The following PCDHGB2 variants were observed in gnomAD, a reference collection of about 807,000 sequenced individuals.
The protein encoded by PCDHGB2 is protocadherin gamma subfamily B, 2.
Under a neutral mutation model 59.3 loss-of-function variants are expected in PCDHGB2, and 55 were observed. The observed-to-expected ratio is 0.93, with a 90% CI of 0.75 to 1.16. PCDHGB2 has a LOEUF of 1.16. Among genes scored for constraint, PCDHGB2 ranks in the 50% most tolerant of loss-of-function variants. PCDHGB2 has a pLI of 0.00. For synonymous variants in PCDHGB2, 516 were observed against 512.0 expected (o/e 1.01, Z -0.11); for missense variants, 1,228 against 1,198.5 (o/e 1.02, Z -0.36).
At position 141,505,200 on chromosome 5, in the gene PCDHGB2, G is replaced by T. The variant is rs528060752; in HGVS notation, c.2481-193G>T. On this transcript the variant is annotated intron_variant, in intron 2 of 3. Transcript: ENST00000522605. ...AAAGCATCGGAGGCAGCAAAGAGCTGGTTTGAGGGACTGACTTGTGGGATT... is the reference window on the plus strand; with the variant it reads ...AAAGCATCGGAGGCAGCAAAGAGCTTGTTTGAGGGACTGACTTGTGGGATT... Among the ~76,000 whole-genome samples the T allele has an allele frequency of 6.6e-5, 10 of 152,244 alleles. No individual in the cohort carries two copies. The East Asian group carries it at 7.7e-4, about 12-fold the overall frequency.
chr5:141,389,605 A>G (rs1370742468), intron 1 of PCDHGB2: 2 of 1,613,092 alleles, frequency 1.2e-6, no homozygotes, highest in Non-Finnish European at 1.7e-6. Flanking sequence ...GCGCTCTTCG[A>G]TATGGTGCCG....
intron 1 of PCDHGB2, among the ~76,000 whole-genome samples, chr5:141,387,210 C>T (rs944882080): frequency 3.9e-5 from 6 of 152,012 alleles, no homozygotes; most frequent in Non-Finnish European, 5.9e-5. Context: ...CTGATACTCT[C>T]CGGAAAAAGT....
intron 1 of PCDHGB2, chr5:141,409,680 C>T (rs756713114): frequency 1.9e-6 from 3 of 1,613,242 alleles, no homozygotes; most frequent in African/African-American, 1.3e-5. Context: ...TCTATAGTGG[C>T]GAGTGACCTA....
Position 141,400,778 on chromosome 5 carries a change from T to A in PCDHGB2, c.2421+38222T>A, listed in dbSNP as rs1589424490. ...TCTCTAGCAAAAACATTTGGTGCGT[T>A]TTTTTGTCCTCTTTCTCAAAGCTAA... On this transcript the variant is annotated intron_variant, in intron 1 of 3. Coordinates refer to ENST00000522605, the MANE Select transcript of PCDHGB2 (RefSeq NM_018923.3). 6 of 568,120 alleles carry A rather than the reference T, an allele frequency of 1.1e-5. No individual in the cohort carries two copies. The East Asian group carries it at 1.7e-4, about 16-fold the overall frequency. 35.2% of individuals were successfully genotyped at this position (568,120 alleles called of 1,614,324 possible).
intron 3 of PCDHGB2, among the ~76,000 whole-genome samples, chr5:141,507,856 A>T (rs1200072170): frequency 1.3e-5 from 2 of 151,926 alleles, no homozygotes; most frequent in Non-Finnish European, 2.9e-5. Flanking sequence ...TCTCACTTTC[A>T]CACCCGCTTC....
At chr5:141,375,842 C>G (rs547807235) in intron 1 of PCDHGB2, 4 of 1,614,122 alleles carry the variant, frequency 2.5e-6, no homozygotes, top group Non-Finnish European at 3.4e-6. Context: ...GCCCGGCTAC[C>G]TGGTGACCAA....
chr5:141,385,638 T>A, intron 1 of PCDHGB2: 1 of 831,764 alleles, frequency 1.2e-6, no homozygotes, highest in Non-Finnish European at 1.5e-6. Context: ...ATCGAGTCTT[T>A]CATATTGCAC....
intron 1 of PCDHGB2, among the ~76,000 whole-genome samples, chr5:141,472,913 G>A (rs1049221725): frequency 2.0e-5 from 3 of 147,764 alleles, no homozygotes; most frequent in African/African-American, 2.5e-5. Context: ...TTGAACCCAA[G>A]AGGAGGAGGT....
Position 141,505,424 on chromosome 5 carries a change from C to T in PCDHGB2, c.2512C>T (p.Pro838Ser), listed in dbSNP as rs1422538114. The T allele has an allele frequency of 1.2e-6, 2 of 1,614,200 alleles. No individual in the cohort carries two copies. Among genetic ancestry groups the T allele is most frequent in the Non-Finnish European group, 1.7e-6 (2 of 1,180,028 alleles). Residue 838 changes from proline (P) to serine (S), a missense_variant, in exon 3 of 4, where the codon CCC (proline) becomes TCC (serine). Pro to Ser is a moderately conservative substitution (Grantham distance 74). Transcript: ENST00000522605. ...AAATGGCGATGACACCGGCACCTGG[C>T]CCAACAACCAGTTTGACACAGAGAT... is the stretch of plus-strand genomic sequence containing the variant. ...SQNGDDTGTW[P>S]NNQFDTEMLQ...
intron 1 of PCDHGB2, chr5:141,388,588 C>T: frequency 6.2e-7 from 1 of 1,613,876 alleles, no homozygotes; most frequent in Non-Finnish European, 8.5e-7. Context: ...GTGACTGATG[C>T]CAATGATAAT....
chr5:141,379,889 C>CTTTT lies in PCDHGB2; in HGVS notation c.2421+17360_2421+17363dup, dbSNP rs70988800. ...CTTATTTTATGGTCTGTGAAAGCCT[C>CTTTT]TTTTTTTTTTTTTTTTTTTTTTTTT... is the stretch of plus-strand genomic sequence containing the variant. On this transcript the variant is annotated intron_variant, in intron 1 of 3. Transcript: ENST00000522605. Among the ~76,000 whole-genome samples, 383 of 50,836 alleles carry CTTTT rather than the reference C, an allele frequency of 7.5e-3. 64 individuals are homozygous for CTTTT. The highest frequency in any genetic ancestry group is 9.2e-3 in the Non-Finnish European group (239 of 25,888). 33.4% of individuals were successfully genotyped at this position (50,836 alleles called of 152,430 possible). A position where few individuals can be genotyped will look rare whatever the true frequency, so the allele number is the denominator to read the frequency against.
At chr5:141,433,056 G>A (rs1422450948) in intron 1 of PCDHGB2, 1 of 1,614,204 alleles carries the variant, frequency 6.2e-7, no homozygotes, top group South Asian at 1.1e-5. Context: ...TCGCGGAAGA[G>A]TCACCTGATC....
chr5:141,430,930 G>A, intron 1 of PCDHGB2: 2 of 1,607,320 alleles, frequency 1.2e-6, no homozygotes, highest in Non-Finnish European at 1.7e-6. Context: ...TGGAGCCCCG[G>A]GAGCTCGCGG....
At chr5:141,385,965 G>A (rs368454164) in intron 1 of PCDHGB2, 2 of 152,134 alleles carry the variant, frequency 1.3e-5, no homozygotes, top group Non-Finnish European at 2.9e-5. Flanking sequence ...AAAGGCCATC[G>A]GACAAAACCA....
chr5:141,369,822 T>C (rs550233059), intron 1 of PCDHGB2, among the ~76,000 whole-genome samples: 1 of 152,318 alleles, frequency 6.6e-6, no homozygotes, highest in Non-Finnish European at 1.5e-5. Context: ...ATAGCTTCCA[T>C]TTGTATGATT....
At chr5:141,409,137 T>G (rs748502213) in intron 1 of PCDHGB2, 1 of 1,613,936 alleles carries the variant, frequency 6.2e-7, no homozygotes, top group Non-Finnish European at 8.5e-7. Flanking sequence ...TTTGAAGATG[T>G]AGAAAGGTAC....
chr5:141,362,960 A>C (rs900471696), intron 1 of PCDHGB2, among the ~76,000 whole-genome samples: 10 of 152,248 alleles, frequency 6.6e-5, no homozygotes, highest in African/African-American at 2.4e-4. Context: ...GAAATTGGGA[A>C]ACAAAGAAGA....
chr5:141,472,980 C>CAAAAAAAAAAAAAAA (rs60579131), intron 1 of PCDHGB2, among the ~76,000 whole-genome samples: 13 of 86,076 alleles, frequency 1.5e-4, no homozygotes, highest in African/African-American at 1.9e-4. Context: ...GAGTGAAACT[C>CAAAAAAAAAAAAAAA]AAAAAAAAAA....
At chr5:141,366,647 C>A in intron 1 of PCDHGB2, 1 of 1,614,222 alleles carries the variant, frequency 6.2e-7, no homozygotes, top group Non-Finnish European at 8.5e-7. Context: ...CTTTCCCCAG[C>A]CCAACTACGC....
Sources: gnomAD v4.1 joint callset for allele counts (sites outside exome capture counted in the v4.1 genomes callset) on GRCh38, gnomAD v4.1.1 for gene constraint, MANE v1.5 for transcripts, NCBI Gene and HGNC (gene_info 2026-07-23, HGNC 2026-07-21) for gene names.